Variants in APOB observed in about 807,000 individuals in gnomAD.
APOB encodes apolipoprotein B-100.
In APOB, 153 loss-of-function variants were observed where a neutral mutation model predicts 314.1. The ratio of observed to expected loss-of-function variants is 0.49; its 90% CI spans 0.43 to 0.56. The LOEUF (loss-of-function observed/expected upper bound fraction) is 0.56, where lower values mean the gene tolerates loss of function less well. Ranked by LOEUF, APOB falls within the 20% of genes least tolerant of loss-of-function variation. The pLI is 0.00. For synonymous variants in APOB, 2,087 were observed against 2,036.4 expected (o/e 1.02, Z -0.67); for missense variants, 5,430 against 5,350.7 (o/e 1.01, Z -0.46).
chr2:21,022,691 G>T (rs192396372), intron 18 of APOB, 140 bp downstream of exon 18: 2 of 748,474 alleles, frequency 2.7e-6, no homozygotes, highest in Non-Finnish European at 4.6e-6. Context: ...AGGTAACCCG[G>T]AATCTTTCCT....
chr2:21,027,476 G>A (rs1663760215), intron 14 of APOB, among the ~76,000 whole-genome samples: 1 of 152,070 alleles, frequency 6.6e-6, no homozygotes, highest in South Asian at 2.1e-4. Context: ...ACCACGCCCG[G>A]CTAATTTTTT....
At position 21,012,582 on chromosome 2, in the gene APOB, T is replaced by G; in HGVS notation, c.4286A>C (p.Lys1429Thr). Residue 1429 changes from lysine to threonine, a missense_variant, in exon 26 of 29, where the codon AAA becomes ACA. This residue lies in a region of APOB where 2,085 missense variants were observed against 2,079.7 expected (regional missense o/e 1.00). Coordinates refer to ENST00000233242, the MANE Select transcript of APOB (RefSeq NM_000384.3). ...TLSCDGSLRHKFLDSNIKFSH... is the reference protein window; with the variant it reads ...TLSCDGSLRHTFLDSNIKFSH... ...GAATTTGATATTCGAATCTAGAAATTTGTGGCGTAGAGACCCATCACATGA... is the reference window on the plus strand; with the variant it reads ...GAATTTGATATTCGAATCTAGAAATGTGTGGCGTAGAGACCCATCACATGA... The G allele has an allele frequency of 1.9e-6, 3 of 1,613,952 alleles. No homozygotes were observed. The highest frequency in any genetic ancestry group is 1.7e-6 in the Non-Finnish European group (2 of 1,179,854).
intron 15 of APOB, among the ~76,000 whole-genome samples, chr2:21,025,554 C>G (rs1663708091): frequency 6.6e-6 from 1 of 152,030 alleles, no homozygotes. Flanking sequence ...ACACTTGATC[C>G]TAGACAAGTT....
chr2:21,022,991 T>G lies in APOB; in HGVS notation c.2656A>C (p.Asn886His). The G allele has an allele frequency of 6.2e-7, 1 of 1,614,176 alleles. No homozygotes were observed. Among genetic ancestry groups the G allele is most frequent in the Non-Finnish European group, 8.5e-7 (1 of 1,180,026 alleles). ...AAGTCCGGAATGATGATGCCCATAT[T>G]TGTCACAAACTCCACAGACACGGAG... ...KPSVSVEFVT[N>H]MGIIIPDFAR... The change falls in exon 18 of 29, where the codon AAT (asparagine) becomes CAT (histidine). Residue 886 changes from asparagine to histidine, a missense_variant. Physicochemically the swap from Asn to His is moderately conservative, Grantham distance 68. This residue lies in a region of APOB where 2,085 missense variants were observed against 2,079.7 expected (regional missense o/e 1.00). Coordinates refer to ENST00000233242, the MANE Select transcript of APOB (RefSeq NM_000384.3).
At chr2:21,014,377 T>C in intron 24 of APOB, 71 bp downstream of exon 24, 3 of 1,567,958 alleles carry the variant, frequency 1.9e-6, no homozygotes, top group Non-Finnish European at 2.6e-6. Flanking sequence ...AAAAAATGTC[T>C]AAATCATGCT....
rs371177562 is a variant in APOB at position 21,002,745 on chromosome 2, G to T, written c.12677C>A (p.Thr4226Lys). 8.7e-6 allele frequency: 14 copies of T among 1,610,660 alleles called. No individual in the cohort carries two copies. The highest frequency in any genetic ancestry group is 1.1e-5 in the Non-Finnish European group (13 of 1,177,992). Residue 4226 changes from threonine to lysine, a missense_variant, in exon 29 of 29, where the codon ACG (threonine) becomes AAG (lysine). Coordinates refer to ENST00000233242, the MANE Select transcript of APOB (RefSeq NM_000384.3). Reference protein sequence around the residue: ...LCTMFIREVGTVLSQVYSKVH... With the variant: ...LCTMFIREVGKVLSQVYSKVH... ...TTTCGAATATACCTGGGACAGTACCGTCCCTACCTCCCTTATGAACATAGT... is the reference window on the plus strand; with the variant it reads ...TTTCGAATATACCTGGGACAGTACCTTCCCTACCTCCCTTATGAACATAGT...
intron 15 of APOB, among the ~76,000 whole-genome samples, chr2:21,026,470 A>G (rs1045830703): frequency 1.3e-5 from 2 of 151,924 alleles, no homozygotes; most frequent in Non-Finnish European, 2.9e-5. Flanking sequence ...GGCTGGTCTC[A>G]AATTCCTGAC....
rs140027955 is a variant in APOB at position 21,009,645 on chromosome 2, G to A, written c.7223C>T (p.Ser2408Phe). Residue 2408 changes from serine (S) to phenylalanine (F), a missense_variant, in exon 26 of 29, where the codon TCT (serine) becomes TTT (phenylalanine). Ser to Phe is a radical substitution (Grantham distance 155). This residue lies in a region of APOB where 3,281 missense variants were observed against 3,171.0 expected (regional missense o/e 1.03). Transcript: ENST00000233242. ...AACATCTTCAATGAATGTTTTAAAA[G>A]ATAATTCATTAAGCTTCTTGACAGC... ...DDAVKKLNEL[S>F]FKTFIEDVNK... 3.5e-5 allele frequency: 56 copies of A among 1,613,526 alleles called. 1 individual carries two copies. The East Asian group carries it at 1.1e-3, about 33-fold the overall frequency.
intron 19 of APOB, 36 bp downstream of exon 19, chr2:21,019,687 G>A (rs1663551053): frequency 1.2e-6 from 2 of 1,605,938 alleles, no homozygotes; most frequent in Non-Finnish European, 1.7e-6. Flanking sequence ...TGTGGAAGGT[G>A]AGAAAATGCT....
Position 21,019,121 on chromosome 2 carries a change from C to T in APOB, c.3000-8G>A, listed in dbSNP as rs1663540216. 5 of 1,614,018 alleles carry T rather than the reference C, an allele frequency of 3.1e-6. No homozygotes were observed. In the East Asian group the frequency reaches 8.9e-5, roughly 29 times the overall value. ...CTCAGTTCCAGCTCTAATCTAAAGA[C>T]ATTACAATGAAGACAGTGCATAATG... is the stretch of plus-strand genomic sequence containing the variant. On this transcript the variant is annotated splice_polypyrimidine_tract_variant and splice_region_variant and intron_variant, in intron 19 of 28. Transcript: ENST00000233242.
chr2:21,008,637 G>C lies in APOB; in HGVS notation c.8231C>G (p.Pro2744Arg). 1 of 1,614,066 alleles carries C rather than the reference G, an allele frequency of 6.2e-7. No individual in the cohort carries two copies. Among genetic ancestry groups the C allele is most frequent in the Non-Finnish European group, 8.5e-7 (1 of 1,179,978 alleles). Residue 2744 changes from proline (P) to arginine (R), a missense_variant, in exon 26 of 29, where the codon CCC becomes CGC. By Grantham distance (103) the Pro-to-Arg change is moderately radical. Transcript: ENST00000233242. ...TACTTCAATTGTGTGTGAGATGTGG[G>C]GAAGCTGGAATTCTGGTATGTGAAG... ...PDLHIPEFQL[P>R]HISHTIEVPT...
At chr2:21,035,483 T>G in intron 7 of APOB, 101 bp downstream of exon 7, 2 of 1,493,354 alleles carry the variant, frequency 1.3e-6, no homozygotes, top group East Asian at 4.5e-5. Context: ...TCTCCATTCC[T>G]CCCTCCCAGG....
At chr2:21,021,336 C>T (rs1663601428) in intron 18 of APOB, among the ~76,000 whole-genome samples, 2 of 152,286 alleles carry the variant, frequency 1.3e-5, no homozygotes, top group Admixed American at 6.5e-5. Context: ...CTATACCTGG[C>T]TTTTCTCCAC....
chr2:21,038,874 T>G (rs1249341330), intron 4 of APOB, among the ~76,000 whole-genome samples: 2 of 152,246 alleles, frequency 1.3e-5, no homozygotes, highest in Admixed American at 6.5e-5. Flanking sequence ...TTTTCTCACT[T>G]AATTATACTT....
At position 21,043,989 on chromosome 2, in the gene APOB, G is replaced by C. The variant is rs1664206479; in HGVS notation, c.-44C>G. The C allele has an allele frequency of 9.4e-7, 1 of 1,059,494 alleles. No homozygotes were observed. Among genetic ancestry groups the C allele is most frequent in the Non-Finnish European group, 1.2e-6 (1 of 833,882 alleles). The allele number at this position is 1,059,494 out of a possible 1,614,324, so 65.6% of individuals were successfully genotyped here. ...GGCTCCTGGGCTGCGGCCTGGCCTCGGCCTCGCGGCCCTGGCTGGCTGGGC... is the reference window on the plus strand; with the variant it reads ...GGCTCCTGGGCTGCGGCCTGGCCTCCGCCTCGCGGCCCTGGCTGGCTGGGC... On this transcript the variant is annotated 5_prime_UTR_variant, in exon 1 of 29. Transcript: ENST00000233242.
chr2:21,023,402 G>T (rs1025913554), intron 17 of APOB, 123 bp downstream of exon 17: 2 of 1,152,072 alleles, frequency 1.7e-6, no homozygotes, highest in Non-Finnish European at 2.6e-6. Flanking sequence ...AAATAATGAG[G>T]TGATTACAAT....
In APOB at chr2:21,005,807, G is replaced by T. The variant is rs1663117587; in HGVS notation, c.11061C>A (p.Phe3687Leu). 2 of 1,613,932 alleles carry T rather than the reference G, an allele frequency of 1.2e-6. No homozygotes were observed. The highest frequency in any genetic ancestry group is 1.7e-6 in the Non-Finnish European group (2 of 1,179,982). The change falls in exon 26 of 29, where the codon TTC becomes TTA. Residue 3687 changes from phenylalanine to leucine, a missense_variant. By Grantham distance (22) the Phe-to-Leu change is conservative. This residue lies in a region of APOB where 3,281 missense variants were observed against 3,171.0 expected (regional missense o/e 1.03). Coordinates refer to ENST00000233242, the MANE Select transcript of APOB (RefSeq NM_000384.3). The stretch of plus-strand genomic sequence containing the variant: ...TGCTGGTGGTTACATCCAGCTTTAG[G>T]AAATCCCATAAGCTCTTGTCATAGA... ...LPVYDKSLWDFLKLDVTTSIG... is the reference protein window; with the variant it reads ...LPVYDKSLWDLLKLDVTTSIG...
intron 18 of APOB, 23 bp from the exon 19 acceptor site, chr2:21,019,928 G>T: frequency 6.2e-7 from 1 of 1,612,214 alleles, no homozygotes; most frequent in South Asian, 1.1e-5. Flanking sequence ...AAAAATACCT[G>T]AGTTATTGCC....
At chr2:21,015,625 T>TGG in intron 21 of APOB, 80 bp from the exon 22 acceptor site, 1 of 1,482,410 alleles carries the variant, frequency 6.7e-7, no homozygotes, top group Non-Finnish European at 9.3e-7. Flanking sequence ...AAGTTCCATT[T>TGG]GTGGTGATCA....
Sources: gnomAD v4.1 joint callset for allele counts (sites outside exome capture counted in the v4.1 genomes callset) on GRCh38, gnomAD v4.1.1 for gene constraint, gnomAD v4.1.1 regional missense constraint, MANE v1.5 for transcripts, NCBI Gene and HGNC (gene_info 2026-07-23, HGNC 2026-07-21) for gene names.